The following NYAP2 variants were observed in gnomAD, a reference collection of about 807,000 sequenced individuals.
The protein encoded by NYAP2 is neuronal tyrosine-phosphorylated phosphoinositide-3-kinase adaptor 2, also known as neuronal tyrosine-phosphorylated phosphoinositide-3-kinase adapter 2.
In NYAP2, 23 loss-of-function variants were observed where a neutral mutation model predicts 50.4. The ratio of observed to expected loss-of-function variants is 0.46; its 90% CI spans 0.33 to 0.65. NYAP2 has a LOEUF of 0.65. Ranked by LOEUF, NYAP2 falls within the 30% of genes least tolerant of loss-of-function variation. NYAP2 has a pLI of 0.02. For synonymous variants in NYAP2, 394 were observed against 365.2 expected (o/e 1.08, Z -0.90); for missense variants, 885 against 861.0 (o/e 1.03, Z -0.35).
intron 3 of NYAP2, among the ~76,000 whole-genome samples, chr2:225,487,851 A>G (rs1380656562): frequency 6.6e-6 from 1 of 152,162 alleles, no homozygotes; most frequent in South Asian, 2.1e-4. Context: ...CAGATTATCA[A>G]TTTTATAGGT....
chr2:225,658,116 G>C (rs2106276409), downstream of NYAP2, among the ~76,000 whole-genome samples: 1 of 152,256 alleles, frequency 6.6e-6, no homozygotes, highest in African/African-American at 2.4e-5. Flanking sequence ...GATGGAAATG[G>C]AAGAAAAGCA....
chr2:225,433,512 T>A (rs1183352049), intron 3 of NYAP2, among the ~76,000 whole-genome samples: 7 of 151,678 alleles, frequency 4.6e-5, no homozygotes, highest in African/African-American at 1.5e-4. Flanking sequence ...AGGGCAAATT[T>A]AAAAAAAAAT....
At chr2:225,588,958 A>C (rs991818365) in intron 5 of NYAP2, among the ~76,000 whole-genome samples, 1 of 151,970 alleles carries the variant, frequency 6.6e-6, no homozygotes, top group Non-Finnish European at 1.5e-5. Context: ...AAATTCACTT[A>C]AATTCTTATT....
At chr2:225,546,547 G>C (rs76907335) in intron 4 of NYAP2, among the ~76,000 whole-genome samples, 1,817 of 152,082 alleles carry the variant, frequency 0.012, 39 homozygotes, top group African/African-American at 0.04. Flanking sequence ...TCAGCTTGTA[G>C]TGAATGTTGC....
intron 5 of NYAP2, among the ~76,000 whole-genome samples, chr2:225,585,464 T>TCCTCA (rs899421308): frequency 6.6e-6 from 1 of 152,224 alleles, no homozygotes; most frequent in Non-Finnish European, 1.5e-5. Flanking sequence ...GTCACAGACT[T>TCCTCA]TCTCATCCGA....
intron 4 of NYAP2, among the ~76,000 whole-genome samples, chr2:225,550,642 C>T (rs897503874): frequency 1.3e-5 from 2 of 152,168 alleles, no homozygotes; most frequent in Admixed American, 1.3e-4. Flanking sequence ...TAAAAACATT[C>T]TTGTGTGAAT....
At chr2:225,622,031 A>G (rs1322411677) in intron 5 of NYAP2, among the ~76,000 whole-genome samples, 1 of 152,112 alleles carries the variant, frequency 6.6e-6, no homozygotes, top group Non-Finnish European at 1.5e-5. Context: ...CCTGATTTCA[A>G]TTATCACTAT....
intron 3 of NYAP2, among the ~76,000 whole-genome samples, chr2:225,495,483 C>G (rs972630291): frequency 1.3e-5 from 2 of 152,164 alleles, no homozygotes; most frequent in African/African-American, 4.8e-5. Context: ...CCTTTCATAT[C>G]ACTCTGTTTT....
At chr2:225,542,781 A>G (rs1691499451) in intron 4 of NYAP2, among the ~76,000 whole-genome samples, 1 of 152,002 alleles carries the variant, frequency 6.6e-6, no homozygotes, top group Non-Finnish European at 1.5e-5. Context: ...TGGCCTCATT[A>G]AATGGTTTTG....
intron 3 of NYAP2, among the ~76,000 whole-genome samples, chr2:225,485,941 A>G (rs756050849): frequency 1.1e-4 from 17 of 151,978 alleles, no homozygotes; most frequent in Non-Finnish European, 2.2e-4. Flanking sequence ...TAGTAGCCAC[A>G]CCCCTCCCCC....
At chr2:225,637,407 A>G (rs990980728) in intron 6 of NYAP2, among the ~76,000 whole-genome samples, 2 of 152,092 alleles carry the variant, frequency 1.3e-5, no homozygotes, top group African/African-American at 4.8e-5. Context: ...GCAGCTGTGA[A>G]CTTCCAGAGT....
chr2:225,582,023 G>T lies in NYAP2; in HGVS notation c.606G>T (p.Gln202His), dbSNP rs1266947731. ...AACCGAAGCGAAATCCGAACACTCAGCTGAGCACATCTTTCGATGAAACGT... is the reference window on the plus strand; with the variant it reads ...AACCGAAGCGAAATCCGAACACTCATCTGAGCACATCTTTCGATGAAACGT... The change falls in exon 5 of 7, where the codon CAG (glutamine) becomes CAT (histidine). Residue 202 changes from glutamine (Q) to histidine (H), a missense_variant. Coordinates refer to ENST00000636099, the Ensembl canonical transcript of NYAP2. The surrounding 1 kb of genome is among the most constrained non-coding windows in gnomAD (Gnocchi z 7.0). 1 of 1,614,008 alleles carries T rather than the reference G, an allele frequency of 6.2e-7. No homozygotes were observed. The highest frequency in any genetic ancestry group is 1.1e-5 in the South Asian group (1 of 91,078).
chr2:225,679,493 G>GTTTTTTTTTTTTTTTTTT, the NYAP2 span, among the ~76,000 whole-genome samples: 1 of 103,884 alleles, frequency 9.6e-6, no homozygotes, highest in Non-Finnish European at 1.8e-5. Context: ...GCTTCTAATT[G>GTTTTTTTTTTTTTTTTTT]TTTTTTTTTT....
chr2:225,412,626 A>G (rs1039309086), intron 3 of NYAP2, among the ~76,000 whole-genome samples: 3 of 152,120 alleles, frequency 2.0e-5, no homozygotes, highest in Admixed American at 1.3e-4. Context: ...GTGAAAAACC[A>G]TCAGAGCAGC....
chr2:225,606,886 A>G (rs1026443871), intron 5 of NYAP2, among the ~76,000 whole-genome samples: 1 of 152,032 alleles, frequency 6.6e-6, no homozygotes, highest in African/African-American at 2.4e-5. Context: ...TTTCTTCTGT[A>G]TTTCGGCTGT....
chr2:225,475,466 T>C (rs1165998111), intron 3 of NYAP2, among the ~76,000 whole-genome samples: 1 of 152,204 alleles, frequency 6.6e-6, no homozygotes, highest in African/African-American at 2.4e-5. Context: ...TCAGTTTCAT[T>C]TGATGTATAT....
chr2:225,524,617 C>G (rs1195902984), intron 4 of NYAP2, among the ~76,000 whole-genome samples: 1 of 152,024 alleles, frequency 6.6e-6, no homozygotes, highest in Non-Finnish European at 1.5e-5. Flanking sequence ...ATTAAAGATC[C>G]AAATATAAGA....
At chr2:225,593,378 T>A (rs1389373969) in intron 5 of NYAP2, among the ~76,000 whole-genome samples, 2 of 152,182 alleles carry the variant, frequency 1.3e-5, no homozygotes, top group Non-Finnish European at 2.9e-5. Flanking sequence ...GATTACTGGC[T>A]GATCTGTAAA....
the NYAP2 span, among the ~76,000 whole-genome samples, chr2:225,675,300 C>T: frequency 1.3e-5 from 2 of 152,026 alleles, no homozygotes; most frequent in Non-Finnish European, 2.9e-5. Flanking sequence ...ACCTCCCTCC[C>T]TTCCCCGTCT....
Sources: gnomAD v4.1 joint callset for allele counts (sites outside exome capture counted in the v4.1 genomes callset) on GRCh38, gnomAD v4.1.1 for gene constraint, Gnocchi (gnomAD v3.1) non-coding constraint, MANE v1.5 for transcripts, NCBI Gene and HGNC (gene_info 2026-07-23, HGNC 2026-07-21) for gene names.